TECRL: variants seen among roughly 807,000 people sequenced by gnomAD.
TECRL encodes trans-2,3-enoyl-CoA reductase like.
A neutral mutation model predicts 52.8 loss-of-function variants in TECRL; 63 were observed. That is an observed-to-expected ratio of 1.19 (90% confidence interval 0.97 to 1.47). TECRL has a LOEUF of 1.47. Ranked by LOEUF, TECRL falls within the 40% of genes most tolerant of loss-of-function variation. TECRL has a pLI of 0.00. For synonymous variants in TECRL, 164 were observed against 141.9 expected, an observed-to-expected ratio of 1.16 and a Z score of -1.10; for missense variants, 482 against 429.6, an observed-to-expected ratio of 1.12 and a Z score of -1.08.
chr4:64,335,366 A>G (rs1718988840), intron 2 of TECRL, among the ~76,000 whole-genome samples: 1 of 152,188 alleles, frequency 6.6e-6, no homozygotes, highest in South Asian at 2.1e-4. Context: ...CCTAATGGTC[A>G]CTATCTCCTA....
intron 2 of TECRL, among the ~76,000 whole-genome samples, chr4:64,360,136 C>A (rs1337754955): frequency 6.6e-6 from 1 of 152,118 alleles, no homozygotes; most frequent in Non-Finnish European, 1.5e-5. Context: ...GATAATATGT[C>A]TTACATCAGA....
At chr4:64,380,889 G>T (rs1307141275) in intron 1 of TECRL, among the ~76,000 whole-genome samples, 1 of 152,054 alleles carries the variant, frequency 6.6e-6, no homozygotes, top group Non-Finnish European at 1.5e-5. Flanking sequence ...GTCTTTTGTG[G>T]TTCCATATAG....
At chr4:64,337,002 G>A (rs931106636) in intron 2 of TECRL, among the ~76,000 whole-genome samples, 1 of 152,152 alleles carries the variant, frequency 6.6e-6, no homozygotes, top group South Asian at 2.1e-4. Context: ...GGGGTGGAGA[G>A]TTCTGTAGCT....
Position 64,281,561 on chromosome 4 carries a change from T to G in TECRL, c.833-2A>C. The G allele has an allele frequency of 1.9e-6, 3 of 1,561,158 alleles. No homozygotes were observed. Among genetic ancestry groups the G allele is most frequent in the Non-Finnish European group, 2.6e-6 (3 of 1,140,402 alleles). On this transcript the variant is annotated splice_acceptor_variant, in intron 9 of 11. Coordinates refer to ENST00000381210, the MANE Select transcript of TECRL (RefSeq NM_001010874.5). LOFTEE classifies it high-confidence loss of function. Reference sequence around the variant, plus strand: ...GACTTGGGAAACAGGCATTGTTTCCTTTTTCAAAGGAAAGTAAAATGTCAA... The same window carrying G: ...GACTTGGGAAACAGGCATTGTTTCCGTTTTCAAAGGAAAGTAAAATGTCAA...
chr4:64,320,420 T>C (rs1204730532), intron 4 of TECRL, among the ~76,000 whole-genome samples: 1 of 151,976 alleles, frequency 6.6e-6, no homozygotes, highest in African/African-American at 2.4e-5. Context: ...GTAATTGCAA[T>C]GTAATGTGTA....
chr4:64,385,302 G>A (rs903501891), intron 1 of TECRL, among the ~76,000 whole-genome samples: 1 of 152,136 alleles, frequency 6.6e-6, no homozygotes, highest in African/African-American at 2.4e-5. Context: ...TCAGGCCCCA[G>A]GATAGTGTCC....
In TECRL at chr4:64,294,391, G is replaced by A. The variant is rs888634729; in HGVS notation, c.775-4624C>T. ...TTGCTAAAATGTTCCTAACACTAAC[G>A]CTTTTCATCTTTTTCCTTTGCCAAA... On this transcript the variant is annotated intron_variant, in intron 8 of 11. Transcript: ENST00000381210. Among the ~76,000 whole-genome samples the A allele has an allele frequency of 3.3e-5, 5 of 152,178 alleles. No individual in the cohort carries two copies. In the South Asian group the frequency reaches 6.2e-4, roughly 19 times the overall value.
At chr4:64,291,388 T>C (rs1374355706) in intron 8 of TECRL, among the ~76,000 whole-genome samples, 3 of 152,082 alleles carry the variant, frequency 2.0e-5, no homozygotes, top group Non-Finnish European at 4.4e-5. Context: ...GTTACATTTC[T>C]GTTTAGTCTT....
intron 1 of TECRL, among the ~76,000 whole-genome samples, chr4:64,394,047 T>G (rs933566026): frequency 2.6e-5 from 4 of 152,138 alleles, no homozygotes; most frequent in East Asian, 1.9e-4. Flanking sequence ...AAACAAAATA[T>G]GTTCTCTCCA....
chr4:64,374,878 G>C (rs572250126), intron 2 of TECRL, among the ~76,000 whole-genome samples: 41 of 152,126 alleles, frequency 2.7e-4, no homozygotes, highest in African/African-American at 9.4e-4. Context: ...ACATACATGT[G>C]CATGTGTCTT....
chr4:64,289,610 T>G (rs1338141924), intron 9 of TECRL, 100 bp downstream of exon 9: 17 of 931,660 alleles, frequency 1.8e-5, no homozygotes, highest in Non-Finnish European at 2.7e-5. Context: ...TATTTCCAAC[T>G]ATTGATATTT....
chr4:64,404,388 G>C (rs769744310), intron 1 of TECRL, among the ~76,000 whole-genome samples: 1 of 151,996 alleles, frequency 6.6e-6, no homozygotes, highest in Non-Finnish European at 1.5e-5. Context: ...CAGTAGATAA[G>C]CTTCTGACAT....
intron 8 of TECRL, chr4:64,299,318 A>G (rs1723869997): frequency 6.6e-6 from 1 of 151,142 alleles, no homozygotes. Flanking sequence ...TTGTAGATGA[A>G]TCATAGGAGT....
intron 4 of TECRL, among the ~76,000 whole-genome samples, chr4:64,320,651 T>C (rs1717834528): frequency 6.6e-6 from 1 of 152,056 alleles, no homozygotes; most frequent in Admixed American, 6.6e-5. Context: ...AAATTTCTAA[T>C]GATTTAATGG....
intron 1 of TECRL, among the ~76,000 whole-genome samples, chr4:64,387,754 A>G (rs1373238491): frequency 6.6e-6 from 1 of 151,734 alleles, no homozygotes; most frequent in Non-Finnish European, 1.5e-5. Flanking sequence ...TTGGCTTTTA[A>G]TTTTTCTGTA....
At chr4:64,349,890 C>A (rs1720261310) in intron 2 of TECRL, among the ~76,000 whole-genome samples, 1 of 152,134 alleles carries the variant, frequency 6.6e-6, no homozygotes, top group Non-Finnish European at 1.5e-5. Flanking sequence ...AACAAAAAGA[C>A]TACTTACCAA....
At chr4:64,403,268 A>G (rs1437994005) in intron 1 of TECRL, among the ~76,000 whole-genome samples, 1 of 151,940 alleles carries the variant, frequency 6.6e-6, no homozygotes, top group Non-Finnish European at 1.5e-5. Flanking sequence ...TTCCAAATCA[A>G]CATATTTAAC....
At chr4:64,302,517 CATACCTTAT>C (rs1434455571) in intron 7 of TECRL, among the ~76,000 whole-genome samples, 1 of 151,390 alleles carries the variant, frequency 6.6e-6, no homozygotes, top group Non-Finnish European at 1.5e-5. Context: ...GTTGAAGGAG[CATACCTTAT>C]ATAAAGTGAA....
chr4:64,333,615 T>A (rs988219481), intron 2 of TECRL, among the ~76,000 whole-genome samples: 9 of 152,170 alleles, frequency 5.9e-5, no homozygotes, highest in African/African-American at 2.2e-4. Context: ...ATGGGAAGTA[T>A]TCTTTGACTT....
Sources: allele counts gnomAD v4.1 joint callset (sites outside exome capture counted in the v4.1 genomes callset), GRCh38; gene constraint gnomAD v4.1.1; transcripts MANE v1.5; gene names NCBI Gene and HGNC (gene_info 2026-07-23, HGNC 2026-07-21).